BANK1: variants seen among roughly 807,000 people sequenced by gnomAD.
The protein encoded by BANK1 is B-cell scaffold protein with ankyrin repeats.
A neutral mutation model predicts 94.5 loss-of-function variants in BANK1; 95 were observed. That is an observed-to-expected ratio of 1.00 (90% CI 0.85 to 1.19). BANK1 has a LOEUF of 1.19. Among genes scored for constraint, BANK1 ranks in the 50% most tolerant of loss-of-function variants. The probability of loss-of-function intolerance (pLI) is 0.00; values close to 1 mark genes in which losing one functional copy is unlikely to be tolerated. For synonymous variants in BANK1, 334 were observed against 308.4 expected (o/e 1.08, Z -0.87); for missense variants, 987 against 932.2 (o/e 1.06, Z -0.77).
chr4:102,052,609 TAC>T (rs35317274), intron 11 of BANK1, among the ~76,000 whole-genome samples: 1 of 151,730 alleles, frequency 6.6e-6, no homozygotes, highest in Non-Finnish European at 1.5e-5. Flanking sequence ...TAATGGGAAA[TAC>T]ACACACACAC....
intron 7 of BANK1, among the ~76,000 whole-genome samples, chr4:102,013,144 G>A (rs1003994072): frequency 7.9e-5 from 12 of 152,080 alleles, no homozygotes; most frequent in Non-Finnish European, 1.3e-4. Flanking sequence ...GGTACACCCC[G>A]TTGTTATAGG....
intron 2 of BANK1, among the ~76,000 whole-genome samples, chr4:101,832,386 T>G (rs1008204919): frequency 6.6e-6 from 1 of 152,238 alleles, no homozygotes; most frequent in Non-Finnish European, 1.5e-5. Flanking sequence ...AACTTATATC[T>G]AAGTTTACGG....
At chr4:101,874,785 A>T (rs1027443683) in intron 5 of BANK1, among the ~76,000 whole-genome samples, 1 of 152,132 alleles carries the variant, frequency 6.6e-6, no homozygotes, top group African/African-American at 2.4e-5. Flanking sequence ...CCCTTCTTTA[A>T]TGCATGAACA....
intron 7 of BANK1, among the ~76,000 whole-genome samples, chr4:101,944,872 G>A (rs191094942): frequency 3.6e-4 from 54 of 152,092 alleles, no homozygotes; most frequent in Non-Finnish European, 2.8e-4. Flanking sequence ...TGGAGTGAGT[G>A]TTTGCATTCC....
chr4:101,852,852 T>A (rs1256247769), intron 2 of BANK1, among the ~76,000 whole-genome samples: 1 of 152,064 alleles, frequency 6.6e-6, no homozygotes, highest in Non-Finnish European at 1.5e-5. Context: ...CCAGGGTAAA[T>A]AAAATAACTT....
chr4:101,969,701 A>G (rs1483179244), intron 7 of BANK1, among the ~76,000 whole-genome samples: 1 of 152,108 alleles, frequency 6.6e-6, no homozygotes, highest in Non-Finnish European at 1.5e-5. Flanking sequence ...GATGATGTCT[A>G]GAGAATTATA....
intron 7 of BANK1, among the ~76,000 whole-genome samples, chr4:101,972,056 T>C (rs1724976155): frequency 6.6e-6 from 1 of 152,158 alleles, no homozygotes; most frequent in Non-Finnish European, 1.5e-5. Context: ...GTATTGAATC[T>C]GTAAATTGCT....
At chr4:101,993,344 T>G (rs1229502525) in intron 7 of BANK1, among the ~76,000 whole-genome samples, 1 of 152,162 alleles carries the variant, frequency 6.6e-6, no homozygotes, top group Non-Finnish European at 1.5e-5. Flanking sequence ...TTTTGGCAAT[T>G]TACTTTCTTC....
intron 5 of BANK1, among the ~76,000 whole-genome samples, chr4:101,882,073 T>A (rs1410192294): frequency 6.6e-6 from 1 of 152,128 alleles, no homozygotes; most frequent in African/African-American, 2.4e-5. Context: ...TAAAAAAGTG[T>A]CATGGGATTG....
chr4:101,920,685 T>C (rs889540228), intron 7 of BANK1, among the ~76,000 whole-genome samples: 2 of 151,922 alleles, frequency 1.3e-5, no homozygotes, highest in African/African-American at 4.8e-5. Flanking sequence ...TTCCAACATA[T>C]TTTGCTCCTA....
intron 9 of BANK1, among the ~76,000 whole-genome samples, chr4:102,026,833 A>T (rs914255556): frequency 2.1e-4 from 32 of 152,088 alleles, no homozygotes; most frequent in African/African-American, 7.7e-4. Context: ...AAAAAAAAAA[A>T]AAAAAAAAGG....
chr4:102,053,651 C>A (rs1728127838), intron 11 of BANK1, among the ~76,000 whole-genome samples: 1 of 150,782 alleles, frequency 6.6e-6, no homozygotes, highest in African/African-American at 2.4e-5. Flanking sequence ...AGGAATTAAA[C>A]AAAATAAAAA....
At chr4:101,888,805 A>G (rs1200104290) in intron 5 of BANK1, among the ~76,000 whole-genome samples, 1 of 152,210 alleles carries the variant, frequency 6.6e-6, no homozygotes, top group Non-Finnish European at 1.5e-5. Context: ...GAATCCGTTC[A>G]TTGCATGCTT....
intron 5 of BANK1, among the ~76,000 whole-genome samples, chr4:101,872,870 C>A (rs1380599754): frequency 6.6e-6 from 1 of 151,944 alleles, no homozygotes; most frequent in African/African-American, 2.4e-5. Flanking sequence ...TGCCTGTAAT[C>A]CCATCTACTC....
intron 13 of BANK1, 44 bp downstream of exon 13, chr4:102,063,182 C>T (rs770164245): frequency 1.9e-5 from 29 of 1,542,222 alleles, no homozygotes; most frequent in Middle Eastern, 1.7e-4. Flanking sequence ...AGAGTGATTA[C>T]GTTGAAAATT....
chr4:101,848,705 G>A (rs141450595), intron 2 of BANK1, among the ~76,000 whole-genome samples: 2 of 152,288 alleles, frequency 1.3e-5, no homozygotes, highest in African/African-American at 4.8e-5. Context: ...CTATTCAATC[G>A]TGATAGTAAA....
chr4:102,050,534 G>C (rs1324569445), intron 11 of BANK1, among the ~76,000 whole-genome samples: 1 of 152,158 alleles, frequency 6.6e-6, no homozygotes, highest in Non-Finnish European at 1.5e-5. Flanking sequence ...ATGTTTCAGA[G>C]ACCACATGTG....
rs369391063 is a variant in BANK1 at position 101,830,062 on chromosome 4, A to C, written c.325A>C (p.Lys109Gln). ...TCTGGAAAAGATACTTCATTCACCA[A>C]AAAGTGTAGTTACTTTGCTTTGTGG... The part of the protein sequence containing the change: ...QFLEKILHSP[K>Q]SVVTLLCGVK... Residue 109 changes from lysine to glutamine, a missense_variant, in exon 2 of 17, where the codon AAA becomes CAA. Transcript: ENST00000322953. 2.7e-5 allele frequency: 44 copies of C among 1,613,938 alleles called. No homozygotes were observed. The African/African-American group carries it at 5.5e-4, about 20-fold the overall frequency.
At chr4:101,970,125 C>G (rs906706625) in intron 7 of BANK1, among the ~76,000 whole-genome samples, 2 of 152,148 alleles carry the variant, frequency 1.3e-5, no homozygotes, top group African/African-American at 4.8e-5. Flanking sequence ...AAGTTCCCAT[C>G]ATTCCAGCTG....
Sources: allele counts gnomAD v4.1 joint callset (sites outside exome capture counted in the v4.1 genomes callset), GRCh38; gene constraint gnomAD v4.1.1; transcripts MANE v1.5; gene names NCBI Gene and HGNC (gene_info 2026-07-23, HGNC 2026-07-21).